The following CIITA variants were observed in gnomAD, a reference collection of about 807,000 sequenced individuals.
CIITA encodes MHC class II transactivator.
In CIITA, 72 loss-of-function variants were observed where a neutral mutation model predicts 115.1. The ratio of observed to expected loss-of-function variants is 0.63; its 90% confidence interval spans 0.52 to 0.76. CIITA has a LOEUF of 0.76. Ranked by LOEUF, CIITA falls within the 30% of genes least tolerant of loss-of-function variation. CIITA has a pLI of 0.00. For synonymous variants in CIITA, 763 were observed against 635.6 expected (o/e 1.20, Z -3.02); for missense variants, 1,617 against 1,463.8 (o/e 1.10, Z -1.71).
In CIITA at chr16:10,908,177, A is replaced by G; in HGVS notation, c.2657+28A>G. ...GGGGTGAGGGGCTTGGGGAAGAGAC[A>G]TCCTTGTGTTGGGCATTAACTGCGG... is the stretch of plus-strand genomic sequence containing the variant. On this transcript the variant is annotated intron_variant, in intron 11 of 19. Transcript: ENST00000324288. 13 of 1,551,488 alleles carry G rather than the reference A, an allele frequency of 8.4e-6. No homozygotes were observed. In the Middle Eastern group the frequency reaches 2.2e-3, roughly 259 times the overall value.
Position 10,931,292 on chromosome 16 carries a change from CA to C in CIITA, c.*7438del. On this transcript the variant is annotated 3_prime_UTR_variant, in exon 20 of 20. Coordinates refer to ENST00000324288, the MANE Select transcript of CIITA (RefSeq NM_000246.4). Reference sequence around the variant, plus strand: ...GTGCCCCTGCACCCAGCCTGGGTGACAGAGACCCTGTCTCAAAAAAAAGAGA... The same window carrying C: ...GTGCCCCTGCACCCAGCCTGGGTGACGAGACCCTGTCTCAAAAAAAAGAGA... 6.5e-6 allele frequency: 1 copy of C among 152,832 alleles called. No homozygotes were observed. Among genetic ancestry groups the C allele is most frequent in the East Asian group, 1.9e-4 (1 of 5,198 alleles). 9.5% of individuals were successfully genotyped at this position (152,832 alleles called of 1,614,324 possible).
intron 1 of CIITA, among the ~76,000 whole-genome samples, chr16:10,894,803 A>C (rs1457582799): frequency 6.6e-6 from 1 of 152,226 alleles, no homozygotes; most frequent in Non-Finnish European, 1.5e-5. Flanking sequence ...TCCTGGTTCC[A>C]CTTGGACATG....
intron 1 of CIITA, among the ~76,000 whole-genome samples, chr16:10,890,250 G>C (rs2037421844): frequency 6.6e-6 from 1 of 151,884 alleles, no homozygotes; most frequent in Middle Eastern, 3.4e-3. Flanking sequence ...GGGGAGCGTG[G>C]CCAGACCATC....
At chr16:10,918,993 T>C (rs2040121014) in intron 16 of CIITA, among the ~76,000 whole-genome samples, 1 of 152,034 alleles carries the variant, frequency 6.6e-6, no homozygotes, top group Admixed American at 6.6e-5. Context: ...CAGGCCCTGG[T>C]GTGGTCCCAG....
intron 11 of CIITA, chr16:10,908,352 G>A: frequency 2.8e-6 from 2 of 711,742 alleles, no homozygotes; most frequent in Non-Finnish European, 5.0e-6. Flanking sequence ...AGAGGCAATG[G>A]CATTCTCCCA....
At position 10,928,570 on chromosome 16, in the gene CIITA, C is replaced by G. The variant is rs1390679801; in HGVS notation, c.*4715C>G. 6.6e-6 allele frequency: 1 copy of G among 152,422 alleles called. No homozygotes were observed. The highest frequency in any genetic ancestry group is 2.4e-5 in the African/African-American group (1 of 41,460). The allele number at this position is 152,422 out of a possible 1,614,324, so 9.4% of individuals were successfully genotyped here. On this transcript the variant is annotated 3_prime_UTR_variant, in exon 20 of 20. Transcript: ENST00000324288. ...CCTTCCAAAGTGCTGGGATTACAGG[C>G]ATGAGCCACCATGCCAAGCCCTTCC...
chr16:10,925,293 C>T lies in CIITA; in HGVS notation c.*1438C>T, dbSNP rs1596627557. The T allele has an allele frequency of 6.6e-6, 1 of 152,332 alleles. No homozygotes were observed. The highest frequency in any genetic ancestry group is 1.5e-5 in the Non-Finnish European group (1 of 68,032). 9.4% of individuals were successfully genotyped at this position (152,332 alleles called of 1,614,324 possible). On this transcript the variant is annotated 3_prime_UTR_variant, in exon 20 of 20. Transcript: ENST00000324288. ...TCATAACCTAGCCTTAGAAGTCACA[C>T]AGTATTACTTCTGCTACATATATAT...
intron 13 of CIITA, among the ~76,000 whole-genome samples, chr16:10,913,763 C>G (rs936880034): frequency 6.6e-6 from 1 of 151,770 alleles, no homozygotes; most frequent in Non-Finnish European, 1.5e-5. Flanking sequence ...CATAGTGAAA[C>G]CCCATCTCTA....
upstream of CIITA, among the ~76,000 whole-genome samples, chr16:10,875,065 T>C (rs2035739674): frequency 6.6e-6 from 1 of 151,842 alleles, no homozygotes; most frequent in South Asian, 2.1e-4. Flanking sequence ...ACCTCCCGGG[T>C]TCATGTGATT....
intron 13 of CIITA, 40 bp downstream of exon 13, chr16:10,910,299 GTTTC>G: frequency 6.4e-7 from 1 of 1,553,264 alleles, no homozygotes; most frequent in Non-Finnish European, 8.9e-7. Flanking sequence ...TCTGCGCAAG[GTTTC>G]CCCTGCAGCA....
intron 11 of CIITA, 147 bp downstream of exon 11, chr16:10,908,296 G>T: frequency 1.0e-6 from 1 of 988,102 alleles, no homozygotes; most frequent in South Asian, 1.4e-5. Flanking sequence ...TTAAGATGAG[G>T]ATGTTGAGGC....
intron 13 of CIITA, 103 bp downstream of exon 13, chr16:10,910,362 C>T: frequency 1.0e-6 from 1 of 1,004,538 alleles, no homozygotes; most frequent in East Asian, 2.6e-5. Flanking sequence ...CAGAATCATT[C>T]TTACCCTCTT....
In CIITA at chr16:10,929,604, C is replaced by T. The variant is rs2040689527; in HGVS notation, c.*5749C>T. The stretch of plus-strand genomic sequence containing the variant: ...GGGGTTATTAGCACGGAAGCCCCAC[C>T]CTGCCACCAGGTTGGCTGGGGACAG... On this transcript the variant is annotated 3_prime_UTR_variant, in exon 20 of 20. Coordinates refer to ENST00000324288, the MANE Select transcript of CIITA (RefSeq NM_000246.4). The surrounding 1 kb of genome is among the most constrained non-coding windows in gnomAD (Gnocchi z 4.3). 15 of 980,386 alleles carry T rather than the reference C, an allele frequency of 1.5e-5. No individual in the cohort carries two copies. The highest frequency in any genetic ancestry group is 1.7e-5 in the Non-Finnish European group (14 of 825,452). 60.7% of individuals were successfully genotyped at this position (980,386 alleles called of 1,614,324 possible).
chr16:10,889,438 T>C (rs2037313483), intron 1 of CIITA, among the ~76,000 whole-genome samples: 1 of 152,182 alleles, frequency 6.6e-6, no homozygotes, highest in African/African-American at 2.4e-5. Context: ...CCTTTGACTG[T>C]AGGCTTCCCA....
chr16:10,875,174 G>A (rs558537456), upstream of CIITA, among the ~76,000 whole-genome samples: 1 of 152,144 alleles, frequency 6.6e-6, no homozygotes, highest in Admixed American at 6.5e-5. Flanking sequence ...GGCCAGGCTG[G>A]TCTTCAACTC....
chr16:10,880,200 G>A (rs1478660185), intron 1 of CIITA, among the ~76,000 whole-genome samples: 2 of 152,144 alleles, frequency 1.3e-5, no homozygotes, highest in Non-Finnish European at 2.9e-5. Flanking sequence ...GGAGATGACT[G>A]AGTGGGGAAT....
chr16:10,940,325 T>C (rs2145441358), downstream of CIITA: 1 of 152,278 alleles, frequency 6.6e-6, no homozygotes. The surrounding 1 kb of genome is among the most constrained non-coding windows in gnomAD (Gnocchi z 4.2). Flanking sequence ...AAGAGATAAA[T>C]GTTTAAGTCC....
rs1158580097 is a variant in CIITA, at chr16:10,930,529, G to A, written c.*6674G>A. 6.6e-6 allele frequency: 1 copy of A among 152,196 alleles called. No individual in the cohort carries two copies. The highest frequency in any genetic ancestry group is 2.4e-5 in the African/African-American group (1 of 41,426). 9.4% of individuals were successfully genotyped at this position (152,196 alleles called of 1,614,324 possible). On this transcript the variant is annotated 3_prime_UTR_variant, in exon 20 of 20. Transcript: ENST00000324288. ...CATGCATCGTATAGGATAAGAAACTGAGGTTCTTATCATTTAATAGGATAA... is the reference window on the plus strand; with the variant it reads ...CATGCATCGTATAGGATAAGAAACTAAGGTTCTTATCATTTAATAGGATAA...
chr16:10,906,473 C>T (rs1205892767), intron 10 of CIITA, 26 bp from the exon 11 acceptor site: 2 of 1,610,494 alleles, frequency 1.2e-6, no homozygotes, highest in African/African-American at 2.7e-5. Flanking sequence ...CATACCCCCA[C>T]CCTGACACGC....
Sources: allele counts gnomAD v4.1 joint callset (sites outside exome capture counted in the v4.1 genomes callset), GRCh38; gene constraint gnomAD v4.1.1; non-coding constraint Gnocchi (gnomAD v3.1); transcripts MANE v1.5; gene names NCBI Gene and HGNC (gene_info 2026-07-23, HGNC 2026-07-21).